EFTUD2: variants seen among roughly 807,000 people sequenced by gnomAD.
The protein encoded by EFTUD2 is elongation factor Tu GTP binding domain containing 2.
In EFTUD2, 9 loss-of-function variants were observed where a neutral mutation model predicts 114.3. The observed-to-expected ratio is 0.08, with a 90% CI of 0.05 to 0.14. EFTUD2 has a LOEUF of 0.14. EFTUD2 is among the 10% of genes least tolerant of loss of function. The pLI, the probability that EFTUD2 is intolerant of heterozygous loss-of-function variation, is 1.00. For synonymous variants in EFTUD2, 449 were observed against 462.3 expected (o/e 0.97, Z 0.37); for missense variants, 765 against 1,241.2 (o/e 0.62, Z 5.76).
At position 44,850,067 on chromosome 17, in the gene EFTUD2, C is replaced by A; in HGVS notation, c.*1207G>T. On this transcript the variant is annotated 3_prime_UTR_variant, in exon 28 of 28. Coordinates refer to ENST00000426333, the MANE Select transcript of EFTUD2 (RefSeq NM_004247.4). ...GATGTGTAACATGACAATAACCACC[C>A]CTGGCCTGCCTACCTTGCAGGCTGC... is the stretch of plus-strand genomic sequence containing the variant. 1 of 382,610 alleles carries A rather than the reference C, an allele frequency of 2.6e-6. No individual in the cohort carries two copies. Among genetic ancestry groups the A allele is most frequent in the Non-Finnish European group, 4.9e-6 (1 of 205,648 alleles). 23.7% of individuals were successfully genotyped at this position (382,610 alleles called of 1,614,324 possible).
Position 44,863,789 on chromosome 17 carries a change from AT to A in EFTUD2, c.1286-8del. ...ACACACATGTCCACAAAGCCTGTGG[AT>A]GGAGAAGAGAAAGCCATTAATACAT... On this transcript the variant is annotated splice_polypyrimidine_tract_variant and splice_region_variant and intron_variant, in intron 14 of 27. Transcript: ENST00000426333. The A allele has an allele frequency of 6.2e-7, 1 of 1,613,594 alleles. No homozygotes were observed. The highest frequency in any genetic ancestry group is 8.5e-7 in the Non-Finnish European group (1 of 1,179,752).
chr17:44,883,468 C>G lies in EFTUD2; in HGVS notation c.426+181G>C, dbSNP rs977144524. On this transcript the variant is annotated intron_variant, in intron 5 of 27. Coordinates refer to ENST00000426333, the MANE Select transcript of EFTUD2 (RefSeq NM_004247.4). ...ATGCAAGTGGCTTAGGAACAGGCTC[C>G]ACCTGCTGCTTGGGAAAAGCCAGAA... is the stretch of plus-strand genomic sequence containing the variant. 6 of 648,578 alleles carry G rather than the reference C, an allele frequency of 9.3e-6. 1 individual carries two copies. In the African/African-American group the frequency reaches 1.1e-4, roughly 12 times the overall value. The allele number at this position is 648,578 out of a possible 1,614,324, so 40.2% of individuals were successfully genotyped here.
rs6503405 is a variant in EFTUD2, at chr17:44,857,004, A to G, written c.2045+71T>C. On this transcript the variant is annotated intron_variant, in intron 20 of 27. Coordinates refer to ENST00000426333, the MANE Select transcript of EFTUD2 (RefSeq NM_004247.4). ...TGTGCATAGTGCTCATGGTGGGGGTAGAGGTGGAAGATAAAGGAGAGAGAG... is the reference window on the plus strand; with the variant it reads ...TGTGCATAGTGCTCATGGTGGGGGTGGAGGTGGAAGATAAAGGAGAGAGAG... 833,207 of 1,261,830 alleles carry G rather than the reference A, an allele frequency of 0.66. 277,639 individuals carry two copies. The highest frequency in any genetic ancestry group is 0.86 in the African/African-American group (58,755 of 68,156). The allele number at this position is 1,261,830 out of a possible 1,614,324, so 78.2% of individuals were successfully genotyped here. A position where few individuals can be genotyped will look rare whatever the true frequency, so the allele number is the denominator to read the frequency against.
chr17:44,863,003 T>C, intron 15 of EFTUD2, 97 bp from the exon 16 acceptor site: 1 of 1,024,528 alleles, frequency 9.8e-7, no homozygotes, highest in South Asian at 1.7e-5. Context: ...ATGAGCTCTA[T>C]GAGGAGCTAG....
intron 9 of EFTUD2, among the ~76,000 whole-genome samples, chr17:44,876,881 A>AAAAAC (rs2050967463): frequency 6.9e-6 from 1 of 145,646 alleles, no homozygotes; most frequent in Non-Finnish European, 1.5e-5. Flanking sequence ...AAAAAAAAAA[A>AAAAAC]CTACTCCCCA....
intron 18 of EFTUD2, chr17:44,859,467 A>G: frequency 1.9e-6 from 1 of 525,898 alleles, no homozygotes; most frequent in Admixed American, 3.1e-5. Flanking sequence ...GACATAAGCT[A>G]GCCCTTTAGC....
intron 13 of EFTUD2, 52 bp from the exon 14 acceptor site, chr17:44,865,117 G>T: frequency 1.3e-6 from 2 of 1,599,216 alleles, no homozygotes; most frequent in Admixed American, 3.5e-5. Flanking sequence ...TGAGCATGGT[G>T]CTAGAGGGAG....
In EFTUD2 at chr17:44,894,202, C is replaced by T. The variant is rs9895197; in HGVS notation, c.105+215G>A. Reference sequence around the variant, plus strand: ...ACCAGCCTGGGCAATGTTTCATCTCCACGAAAAATAAAAAAAAATTAGCTG... The same window carrying T: ...ACCAGCCTGGGCAATGTTTCATCTCTACGAAAAATAAAAAAAAATTAGCTG... On this transcript the variant is annotated intron_variant, in intron 2 of 27. Coordinates refer to ENST00000426333, the MANE Select transcript of EFTUD2 (RefSeq NM_004247.4). 0.27 allele frequency: 125,393 copies of T among 472,246 alleles called. 17,270 individuals are homozygous for T. The highest frequency in any genetic ancestry group is 0.28 in the South Asian group (10,837 of 38,630). 29.3% of individuals were successfully genotyped at this position (472,246 alleles called of 1,614,324 possible). A position where few individuals can be genotyped will look rare whatever the true frequency, so the allele number is the denominator to read the frequency against.
intron 10 of EFTUD2, among the ~76,000 whole-genome samples, chr17:44,874,395 A>T (rs2050909914): frequency 6.6e-6 from 1 of 152,086 alleles, no homozygotes; most frequent in African/African-American, 2.4e-5. Context: ...ATGATGTCAC[A>T]CTGGGCTCTA....
At chr17:44,877,396 C>A (rs1332063871) in intron 9 of EFTUD2, among the ~76,000 whole-genome samples, 1 of 152,140 alleles carries the variant, frequency 6.6e-6, no homozygotes, top group East Asian at 1.9e-4. Flanking sequence ...CACTAGAGCA[C>A]CGGAATCCAT....
chr17:44,868,525 A>G (rs2050791366), intron 11 of EFTUD2, 175 bp from the exon 12 acceptor site: 2 of 593,472 alleles, frequency 3.4e-6, no homozygotes, highest in Non-Finnish European at 2.9e-6. Context: ...AAGAAGGACA[A>G]GACTGGTCCA....
intron 4 of EFTUD2, among the ~76,000 whole-genome samples, chr17:44,884,801 C>G (rs1469685858): frequency 6.6e-6 from 1 of 152,062 alleles, no homozygotes; most frequent in African/African-American, 2.4e-5. Flanking sequence ...GCAGACACAT[C>G]TATTGAGCCT....
At chr17:44,859,599 T>G (rs770766818) in intron 18 of EFTUD2, 21 of 526,936 alleles carry the variant, frequency 4.0e-5, no homozygotes, top group Non-Finnish European at 5.5e-5. Flanking sequence ...CATTAAGAAA[T>G]GTATTTTTGT....
At position 44,867,850 on chromosome 17, in the gene EFTUD2, A is replaced by C. The variant is rs776768777; in HGVS notation, c.1106T>G (p.Phe369Cys). The change falls in exon 13 of 28, where the codon TTC becomes TGC. Residue 369 changes from phenylalanine (F) to cysteine (C), a missense_variant. By Grantham distance (205) the Phe-to-Cys change is radical. This residue lies in a region of EFTUD2 where 251 missense variants were observed against 357.7 expected (regional missense o/e 0.70). Coordinates refer to ENST00000426333, the MANE Select transcript of EFTUD2 (RefSeq NM_004247.4). ...KAPTSSSQRSFVEFILEPLYK... is the reference protein window; with the variant it reads ...KAPTSSSQRSCVEFILEPLYK... ...AAGAGGCTCCAAGATAAACTCCACG[A>C]AACTTCTCTGGGAGCTGCTAGTTGG... 1 of 1,607,068 alleles carries C rather than the reference A, an allele frequency of 6.2e-7. No individual in the cohort carries two copies. The highest frequency in any genetic ancestry group is 1.1e-5 in the South Asian group (1 of 89,352).
intron 2 of EFTUD2, among the ~76,000 whole-genome samples, chr17:44,887,107 T>C (rs118163480): frequency 0.011 from 1,686 of 152,286 alleles, 43 homozygotes; most frequent in Admixed American, 0.06. Context: ...GATAAGCCCA[T>C]ACCTTTAAAA....
At chr17:44,871,432 T>G (rs1039640698) in intron 11 of EFTUD2, among the ~76,000 whole-genome samples, 2 of 151,936 alleles carry the variant, frequency 1.3e-5, no homozygotes, top group African/African-American at 4.8e-5. Context: ...CTCTGCCTCC[T>G]GGGTTCACGC....
At position 44,860,595 on chromosome 17, in the gene EFTUD2, A is replaced by AT. The variant is rs34404174; in HGVS notation, c.1608-53dup. ...TGAAACTTAGGCAGAGCATTCCCTA[A>AT]TTTTTTTTTTTTTTTTTTTTTTGAG... is the stretch of plus-strand genomic sequence containing the variant. On this transcript the variant is annotated intron_variant, in intron 16 of 27. Transcript: ENST00000426333. 89,518 of 661,818 alleles carry AT rather than the reference A, an allele frequency of 0.14. 1,122 individuals are homozygous for AT. Among genetic ancestry groups the AT allele is most frequent in the East Asian group, 0.18 (5,613 of 31,708 alleles). The allele number at this position is 661,818 out of a possible 1,614,324, so 41.0% of individuals were successfully genotyped here.
chr17:44,872,297 C>T (rs1438390087), intron 11 of EFTUD2, 149 bp downstream of exon 11: 1 of 1,033,894 alleles, frequency 9.7e-7, no homozygotes, highest in African/African-American at 1.6e-5. Context: ...GGTCTCAAGG[C>T]CACAAAGACC....
intron 2 of EFTUD2, among the ~76,000 whole-genome samples, chr17:44,893,746 T>C (rs1288430187): frequency 8.5e-6 from 1 of 118,168 alleles, no homozygotes; most frequent in Non-Finnish European, 1.7e-5. Flanking sequence ...ATTCAAAATT[T>C]CATTGTTTTT....
Sources: allele counts gnomAD v4.1 joint callset (sites outside exome capture counted in the v4.1 genomes callset), GRCh38; gene constraint gnomAD v4.1.1; regional missense constraint gnomAD v4.1.1; transcripts MANE v1.5; gene names NCBI Gene and HGNC (gene_info 2026-07-23, HGNC 2026-07-21).